Variants in ATP8A2 observed in about 807,000 individuals in gnomAD.
The protein encoded by ATP8A2 is phospholipid-transporting ATPase IB.
ATP8A2 carries 100 observed loss-of-function variants against 165.6 expected under a neutral mutation model. The ratio of observed to expected loss-of-function variants is 0.60; its 90% CI spans 0.51 to 0.71. The LOEUF (loss-of-function observed/expected upper bound fraction) is 0.71, where lower values mean the gene tolerates loss of function less well. ATP8A2 is among the 30% of genes least tolerant of loss of function. The pLI, the probability that ATP8A2 is intolerant of heterozygous loss-of-function variation, is 0.00. For missense variants in ATP8A2, 1,227 were observed against 1,479.5 expected (o/e 0.83, Z 2.80); for synonymous variants, 543 against 548.8 (o/e 0.99, Z 0.15).
intron 35 of ATP8A2, among the ~76,000 whole-genome samples, chr13:25,974,784 G>A (rs1187853254): frequency 6.6e-6 from 1 of 151,936 alleles, no homozygotes; most frequent in African/African-American, 2.4e-5. Context: ...CATGTCCTGC[G>A]CATCCCTGGG....
At chr13:25,525,491 C>T (rs1593460034) in intron 2 of ATP8A2, among the ~76,000 whole-genome samples, 1 of 152,094 alleles carries the variant, frequency 6.6e-6, no homozygotes, top group East Asian at 1.9e-4. Flanking sequence ...TAAGATGGAT[C>T]TGGTGATGGT....
intron 33 of ATP8A2, among the ~76,000 whole-genome samples, chr13:25,878,143 G>A (rs1368457583): frequency 1.3e-5 from 2 of 152,174 alleles, no homozygotes; most frequent in Non-Finnish European, 2.9e-5. Flanking sequence ...GACAACTCGG[G>A]AAGTGTCTAA....
At chr13:25,738,466 T>G (rs2043834892) in intron 25 of ATP8A2, among the ~76,000 whole-genome samples, 1 of 151,992 alleles carries the variant, frequency 6.6e-6, no homozygotes, top group South Asian at 2.1e-4. Flanking sequence ...GCTGGGCATG[T>G]GAACCCAGCC....
intron 24 of ATP8A2, among the ~76,000 whole-genome samples, chr13:25,691,869 A>T (rs562272163): frequency 6.6e-6 from 1 of 152,326 alleles, no homozygotes; most frequent in South Asian, 2.1e-4. Flanking sequence ...TTGTTAGCCC[A>T]AAGTGGATTT....
chr13:25,397,054 T>G (rs867760946), intron 1 of ATP8A2, among the ~76,000 whole-genome samples: 10 of 152,176 alleles, frequency 6.6e-5, no homozygotes, highest in African/African-American at 2.4e-4. Context: ...TGGGGGTGGC[T>G]GTTTTCGCTG....
intron 33 of ATP8A2, among the ~76,000 whole-genome samples, chr13:25,939,189 C>T (rs1384677564): frequency 6.6e-6 from 1 of 152,156 alleles, no homozygotes; most frequent in Non-Finnish European, 1.5e-5. Context: ...TCTCTTTCAC[C>T]AGCGTGCTCC....
At chr13:25,394,262 A>G (rs1283047029) in intron 1 of ATP8A2, among the ~76,000 whole-genome samples, 1 of 152,242 alleles carries the variant, frequency 6.6e-6, no homozygotes, top group Non-Finnish European at 1.5e-5. Context: ...CTGAGAGTCT[A>G]GTGGAAGGAG....
chr13:25,445,098 C>T (rs775407554), intron 1 of ATP8A2, among the ~76,000 whole-genome samples: 4 of 152,168 alleles, frequency 2.6e-5, no homozygotes, highest in Middle Eastern at 3.4e-3. Flanking sequence ...TATATTTTTC[C>T]AGCCTGTGAT....
At chr13:25,841,153 A>G (rs1375728907) in intron 30 of ATP8A2, among the ~76,000 whole-genome samples, 9 of 152,220 alleles carry the variant, frequency 5.9e-5, no homozygotes, top group South Asian at 2.1e-4. Flanking sequence ...TGAAATTGCT[A>G]TAGTTTAACC....
At chr13:25,732,797 GA>G (rs1265451802) in intron 25 of ATP8A2, among the ~76,000 whole-genome samples, 6 of 151,868 alleles carry the variant, frequency 4.0e-5, no homozygotes, top group Admixed American at 6.6e-5. Context: ...GCCTATTGCT[GA>G]AAAAAAGTTG....
At chr13:25,726,234 G>A (rs1054601337) in intron 25 of ATP8A2, among the ~76,000 whole-genome samples, 1 of 152,202 alleles carries the variant, frequency 6.6e-6, no homozygotes, top group African/African-American at 2.4e-5. Context: ...TGAGAAGGTA[G>A]TAAAGTGTGG....
chr13:25,929,368 G>T (rs554365994), intron 33 of ATP8A2, among the ~76,000 whole-genome samples: 1 of 152,180 alleles, frequency 6.6e-6, no homozygotes, highest in African/African-American at 2.4e-5. Flanking sequence ...GCCCACATGA[G>T]GGTGGCGGTG....
At chr13:25,699,075 G>A (rs1489743332) in intron 24 of ATP8A2, 98 bp from the exon 25 acceptor site, 1 of 907,118 alleles carries the variant, frequency 1.1e-6, no homozygotes, top group Non-Finnish European at 1.6e-6. Context: ...TATTAGAATG[G>A]GTGTGTTCTC....
rs1954011469 is a variant in ATP8A2 at position 25,908,447 on chromosome 13, A to G, written c.3183+46039A>G. On this transcript the variant is annotated intron_variant, in intron 33 of 36. Transcript: ENST00000381655. ...TCTTTGCAACGTCTTGTCTTACAAG[A>G]AAGTAATGAAGCCGAGATTGTTCTT... Among the ~76,000 whole-genome samples, 4 of 152,268 alleles carry G rather than the reference A, an allele frequency of 2.6e-5. No individual in the cohort carries two copies. In the South Asian group the frequency reaches 8.3e-4, roughly 31 times the overall value.
At chr13:25,505,810 A>G (rs1202156214) in intron 2 of ATP8A2, among the ~76,000 whole-genome samples, 1 of 152,250 alleles carries the variant, frequency 6.6e-6, no homozygotes, top group African/African-American at 2.4e-5. Context: ...AATATCATTA[A>G]CAAGGTATTA....
In ATP8A2 at chr13:25,574,855, T is replaced by C; in HGVS notation, c.1710T>C (p.Ser570=). 6.6e-7 allele frequency: 1 copy of C among 1,520,084 alleles called. No homozygotes were observed. The highest frequency in any genetic ancestry group is 9.1e-7 in the Non-Finnish European group (1 of 1,096,194). 94.2% of individuals were successfully genotyped at this position (1,520,084 alleles called of 1,614,324 possible). A position where few individuals can be genotyped will look rare whatever the true frequency, so the allele number is the denominator to read the frequency against. The stretch of plus-strand genomic sequence containing the variant: ...GAATCCTTAATGTCCTGGAATTTTC[T>C]AGGTATGTTTCTCTTTCATACGTTT... ...TFGILNVLEF[S]SDRKRMSVIV... is the part of the protein sequence containing the mutation. Residue 570 remains serine (S), a splice_region_variant and synonymous_variant, in exon 19 of 37, where the codon TCT becomes TCC. Coordinates refer to ENST00000381655, the MANE Select transcript of ATP8A2 (RefSeq NM_016529.6).
intron 33 of ATP8A2, among the ~76,000 whole-genome samples, chr13:25,932,869 C>T (rs928993737): frequency 1.3e-5 from 2 of 152,048 alleles, no homozygotes; most frequent in African/African-American, 4.8e-5. Flanking sequence ...TTTTTTGAGA[C>T]GGAGTCTCAC....
intron 2 of ATP8A2, among the ~76,000 whole-genome samples, chr13:25,524,649 C>A (rs2037776989): frequency 6.6e-6 from 1 of 152,028 alleles, no homozygotes. Flanking sequence ...GGTAATCCTA[C>A]TATTTTTTGG....
At chr13:25,624,492 C>G (rs906784189) in intron 24 of ATP8A2, among the ~76,000 whole-genome samples, 1 of 151,992 alleles carries the variant, frequency 6.6e-6, no homozygotes, top group African/African-American at 2.4e-5. Context: ...GTTAGGTGGC[C>G]CAGTTAACCT....
Sources: allele counts gnomAD v4.1 joint callset (sites outside exome capture counted in the v4.1 genomes callset), GRCh38; gene constraint gnomAD v4.1.1; transcripts MANE v1.5; gene names NCBI Gene and HGNC (gene_info 2026-07-23, HGNC 2026-07-21).